PANX2: variants seen among roughly 807,000 people sequenced by gnomAD.
PANX2 encodes the protein pannexin-2.
PANX2 carries 30 observed loss-of-function variants against 38.7 expected under a neutral mutation model. The ratio of observed to expected loss-of-function variants is 0.78; its 90% CI spans 0.58 to 1.05. The LOEUF is 1.05. Among genes scored for constraint, PANX2 ranks in the 50% least tolerant of loss-of-function variants. The pLI, the probability that PANX2 is intolerant of heterozygous loss-of-function variation, is 0.00. For synonymous variants in PANX2, 539 were observed against 472.1 expected, an observed-to-expected ratio of 1.14 and a Z score of -1.84; for missense variants, 880 against 979.3, an observed-to-expected ratio of 0.90 and a Z score of 1.35.
In PANX2 at chr22:50,175,955, G is replaced by A. The variant is rs947841990; in HGVS notation, c.227-984G>A. Among the ~76,000 whole-genome samples the A allele has an allele frequency of 2.6e-5, 4 of 152,374 alleles. No homozygotes were observed. In the East Asian group the frequency reaches 7.7e-4, roughly 29 times the overall value. On this transcript the variant is annotated intron_variant, in intron 1 of 2. Coordinates refer to ENST00000395842, the MANE Select transcript of PANX2 (RefSeq NM_052839.4). ...CCTGTCCCTGTTGCTTCTGGTCTGT[G>A]GGGAGGGGATTGTGCTGATGTGGGC...
At position 50,178,092 on chromosome 22, in the gene PANX2, G is replaced by A. The variant is rs750863764; in HGVS notation, c.1380G>A (p.Pro460=). ...TGGAGAACAGCAAGGCGGAGAAGCC[G>A]AAGCCCGCGCGCAGGAAGACGGCCA... is the stretch of plus-strand genomic sequence containing the variant. The part of the protein sequence containing the change: ...MRVENSKAEK[P]KPARRKTATD... The change falls in exon 2 of 3, where the codon CCG becomes CCA. Residue 460 remains proline, a synonymous_variant. Transcript: ENST00000395842. 1 of 1,550,568 alleles carries A rather than the reference G, an allele frequency of 6.4e-7. No individual in the cohort carries two copies.
rs557121857 is a variant in PANX2, at chr22:50,179,514, G to C, written c.*237G>C. ...TGGGGAAAGGTGGCCCAGTGGAGCC[G>C]GTGGCCAGGAAGGCTGAAGCCCGCT... is the stretch of plus-strand genomic sequence containing the variant. On this transcript the variant is annotated 3_prime_UTR_variant, in exon 3 of 3. Coordinates refer to ENST00000395842, the MANE Select transcript of PANX2 (RefSeq NM_052839.4). 2 of 537,986 alleles carry C rather than the reference G, an allele frequency of 3.7e-6. No homozygotes were observed. Among genetic ancestry groups the C allele is most frequent in the African/African-American group, 3.9e-5 (2 of 50,828 alleles). 33.3% of individuals were successfully genotyped at this position (537,986 alleles called of 1,614,324 possible).
At chr22:50,172,149 G>A (rs1270271627) in intron 1 of PANX2, among the ~76,000 whole-genome samples, 1 of 152,204 alleles carries the variant, frequency 6.6e-6, no homozygotes, top group African/African-American at 2.4e-5. Context: ...GGCAGGCCCA[G>A]CATGTCCAGA....
chr22:50,178,089 G>A lies in PANX2; in HGVS notation c.1377G>A (p.Lys459=). ...GCGTGGAGAACAGCAAGGCGGAGAA[G>A]CCGAAGCCCGCGCGCAGGAAGACGG... ...IMRVENSKAE[K]PKPARRKTAT... is the part of the protein sequence containing the mutation. The change falls in exon 2 of 3, where the codon AAG becomes AAA. Residue 459 remains lysine (K), a synonymous_variant. Transcript: ENST00000395842. The A allele has an allele frequency of 6.4e-7, 1 of 1,550,900 alleles. No individual in the cohort carries two copies. Among genetic ancestry groups the A allele is most frequent in the Non-Finnish European group, 8.6e-7 (1 of 1,156,992 alleles).
intron 1 of PANX2, among the ~76,000 whole-genome samples, chr22:50,173,486 C>G (rs73187233): frequency 0.12 from 18,899 of 152,330 alleles, 1,536 homozygotes; most frequent in Non-Finnish European, 0.18. Context: ...CCTGAGGGCC[C>G]GTGTGGCCAG....
In PANX2 at chr22:50,170,757, G is replaced by A. The variant is rs573803350; in HGVS notation, c.27G>A (p.Ala9=). 22 of 1,330,428 alleles carry A rather than the reference G, an allele frequency of 1.7e-5. No homozygotes were observed. Among genetic ancestry groups the A allele is most frequent in the Admixed American group, 3.3e-5 (1 of 30,408 alleles). The allele number at this position is 1,330,428 out of a possible 1,614,324, so 82.4% of individuals were successfully genotyped here. A position where few individuals can be genotyped will look rare whatever the true frequency, so the allele number is the denominator to read the frequency against. The change falls in exon 1 of 3, where the codon GCG becomes GCA. Residue 9 remains alanine, a synonymous_variant. Coordinates refer to ENST00000395842, the MANE Select transcript of PANX2 (RefSeq NM_052839.4). ...TGCACCACCTCCTGGAGCAGTCGGC[G>A]GACATGGCGACCGCGCTGCTGGCGG... The part of the protein sequence containing the change: MHHLLEQS[A]DMATALLAGE...
At chr22:50,176,850 C>T (rs1044820701) in intron 1 of PANX2, 89 bp from the exon 2 acceptor site, 3 of 1,351,628 alleles carry the variant, frequency 2.2e-6, no homozygotes, top group Non-Finnish European at 9.7e-7. Flanking sequence ...GGGAGGGGTT[C>T]GGCAGGGACG....
At chr22:50,172,216 A>T (rs1322008607) in intron 1 of PANX2, among the ~76,000 whole-genome samples, 1 of 152,236 alleles carries the variant, frequency 6.6e-6, no homozygotes, top group Non-Finnish European at 1.5e-5. Context: ...AGGCAGTTTC[A>T]AACAGCAGAC....
intron 1 of PANX2, among the ~76,000 whole-genome samples, chr22:50,172,811 C>T (rs1264966915): frequency 6.6e-6 from 1 of 152,152 alleles, no homozygotes; most frequent in Admixed American, 6.5e-5. Flanking sequence ...TCACTGCGAC[C>T]TTTGCCTCCC....
chr22:50,175,463 G>T (rs562735586), intron 1 of PANX2: 1 of 1,299,000 alleles, frequency 7.7e-7, no homozygotes, highest in East Asian at 5.6e-5. Flanking sequence ...CCTGGGATTG[G>T]CTGTGAGGAC....
intron 1 of PANX2, among the ~76,000 whole-genome samples, chr22:50,172,656 C>T (rs1264814868): frequency 1.3e-5 from 2 of 152,188 alleles, no homozygotes; most frequent in African/African-American, 4.8e-5. Context: ...CCTCCCATCT[C>T]AGCTTCCCAA....
Position 50,177,377 on chromosome 22 carries a change from T to C in PANX2, c.665T>C (p.Phe222Ser). The change falls in exon 2 of 3, where the codon TTC becomes TCC. Residue 222 changes from phenylalanine to serine, a missense_variant. Physicochemically the swap from Phe to Ser is radical, Grantham distance 155 (BLOSUM62 -2). Transcript: ENST00000395842. ...KYLERRGRSNFLAKLYLARHV... is the reference protein window; with the variant it reads ...KYLERRGRSNSLAKLYLARHV... Reference sequence around the variant, plus strand: ...CTGGAGCGCCGCGGCCGCAGCAACTTCCTGGCCAAGCTGTACCTGGCGCGG... The same window carrying C: ...CTGGAGCGCCGCGGCCGCAGCAACTCCCTGGCCAAGCTGTACCTGGCGCGG... 1 of 1,609,954 alleles carries C rather than the reference T, an allele frequency of 6.2e-7. No individual in the cohort carries two copies. The highest frequency in any genetic ancestry group is 1.1e-5 in the South Asian group (1 of 90,752).
intron 1 of PANX2, among the ~76,000 whole-genome samples, chr22:50,172,683 G>GCACCCGCCAACA (rs1298127326): frequency 6.6e-6 from 1 of 151,954 alleles, no homozygotes; most frequent in Non-Finnish European, 1.5e-5. Flanking sequence ...GGGACTACAG[G>GCACCCGCCAACA]CGTGAGCCAC....
rs369529719 is a variant in PANX2 at position 50,178,083 on chromosome 22, G to C, written c.1371G>C (p.Ala457=). ...TCATGCGCGTGGAGAACAGCAAGGC[G>C]GAGAAGCCGAAGCCCGCGCGCAGGA... The part of the protein sequence containing the change: ...LAIMRVENSK[A]EKPKPARRKT... The change falls in exon 2 of 3, where the codon GCG becomes GCC. Residue 457 remains alanine (A), a synonymous_variant. Transcript: ENST00000395842. 4 of 1,552,978 alleles carry C rather than the reference G, an allele frequency of 2.6e-6. No individual in the cohort carries two copies. The African/African-American group carries it at 5.5e-5, about 21-fold the overall frequency.
chr22:50,172,591 C>A (rs2063638184), intron 1 of PANX2, among the ~76,000 whole-genome samples: 1 of 152,102 alleles, frequency 6.6e-6, no homozygotes, highest in Non-Finnish European at 1.5e-5. Flanking sequence ...CCACACCCAG[C>A]TAATTTTTGT....
At position 50,179,414 on chromosome 22, in the gene PANX2, C is replaced by T. The variant is rs1368903448; in HGVS notation, c.*137C>T. Reference sequence around the variant, plus strand: ...TGCGCGCATCCCCAACCTCTGTCCGCATGCCTGGGGCCTTCGCCCCCACGT... The same window carrying T: ...TGCGCGCATCCCCAACCTCTGTCCGTATGCCTGGGGCCTTCGCCCCCACGT... On this transcript the variant is annotated 3_prime_UTR_variant, in exon 3 of 3. Coordinates refer to ENST00000395842, the MANE Select transcript of PANX2 (RefSeq NM_052839.4). 2.6e-6 allele frequency: 2 copies of T among 782,446 alleles called. No individual in the cohort carries two copies. The highest frequency in any genetic ancestry group is 1.8e-5 in the South Asian group (1 of 56,678). The allele number at this position is 782,446 out of a possible 1,614,324, so 48.5% of individuals were successfully genotyped here.
intron 2 of PANX2, 48 bp from the exon 3 acceptor site, chr22:50,178,886 G>A: frequency 1.4e-6 from 2 of 1,468,398 alleles, no homozygotes; most frequent in Non-Finnish European, 9.1e-7. Context: ...GCTGGGGGCG[G>A]CGCAGCGGAG....
Position 50,177,103 on chromosome 22 carries a change from T to C in PANX2, c.391T>C (p.Phe131Leu), listed in dbSNP as rs1458284119. ...HKFLPYALLA[F>L]AAIMYVPALG... ...GTTCCTGCCCTACGCGCTGCTGGCC[T>C]TCGCCGCCATCATGTACGTGCCCGC... is the stretch of plus-strand genomic sequence containing the variant. The change falls in exon 2 of 3, where the codon TTC (phenylalanine) becomes CTC (leucine). Residue 131 changes from phenylalanine to leucine, a missense_variant. By Grantham distance (22) the Phe-to-Leu change is conservative (BLOSUM62 0). Coordinates refer to ENST00000395842, the MANE Select transcript of PANX2 (RefSeq NM_052839.4). The C allele has an allele frequency of 2.5e-6, 4 of 1,610,310 alleles. No individual in the cohort carries two copies. The highest frequency in any genetic ancestry group is 3.4e-6 in the Non-Finnish European group (4 of 1,178,856).
At chr22:50,173,774 C>A (rs1340155617) in intron 1 of PANX2, among the ~76,000 whole-genome samples, 1 of 152,230 alleles carries the variant, frequency 6.6e-6, no homozygotes, top group African/African-American at 2.4e-5. Flanking sequence ...GAGGCCTCCA[C>A]ATTCCTGGCC....
Sources: allele counts gnomAD v4.1 joint callset (sites outside exome capture counted in the v4.1 genomes callset), GRCh38; gene constraint gnomAD v4.1.1; transcripts MANE v1.5; gene names NCBI Gene and HGNC (gene_info 2026-07-23, HGNC 2026-07-21).